The following GPSM1 variants were observed in gnomAD, a reference collection of about 807,000 sequenced individuals.
GPSM1 encodes G protein signaling modulator 1, also known as G protein-signaling modulator 1.
In GPSM1, 48 loss-of-function variants were observed where a neutral mutation model predicts 70.5. The ratio of observed to expected loss-of-function variants is 0.68; its 90% CI spans 0.54 to 0.87. The LOEUF is 0.87. Ranked by LOEUF, GPSM1 falls within the 40% of genes least tolerant of loss-of-function variation. The pLI, the probability that GPSM1 is intolerant of heterozygous loss-of-function variation, is 0.00. For synonymous variants in GPSM1, 416 were observed against 430.1 expected (o/e 0.97, Z 0.41); for missense variants, 981 against 972.6 (o/e 1.01, Z -0.11).
chr9:136,338,323 G>A (rs1282218483), intron 6 of GPSM1, among the ~76,000 whole-genome samples: 12 of 152,242 alleles, frequency 7.9e-5, no homozygotes, highest in African/African-American at 1.2e-4. Context: ...AGGAGTGGTG[G>A]CGGCTCAGGG....
chr9:136,351,554 G>A (rs1463466396), intron 11 of GPSM1, among the ~76,000 whole-genome samples: 4 of 152,208 alleles, frequency 2.6e-5, no homozygotes, highest in Admixed American at 1.3e-4. Flanking sequence ...AGCCTCTGAG[G>A]GCTTCCAGGC....
At position 136,327,753 on chromosome 9, in the gene GPSM1, C is replaced by G. The variant is rs1354961225; in HGVS notation, c.58C>G (p.Leu20Val). 8.4e-6 allele frequency: 10 copies of G among 1,190,340 alleles called. No individual in the cohort carries two copies. Among genetic ancestry groups the G allele is most frequent in the Non-Finnish European group, 1.0e-5 (10 of 960,480 alleles). 73.7% of individuals were successfully genotyped at this position (1,190,340 alleles called of 1,614,324 possible). ...DELPGPAARR[L>V]YSRMEASCLE... The stretch of plus-strand genomic sequence containing the variant: ...GCTCCCGGGCCCGGCCGCCAGGCGC[C>G]TCTACTCCAGGTAGGACGGGCCGGG... The change falls in exon 1 of 14, where the codon CTC (leucine) becomes GTC (valine). Residue 20 changes from leucine to valine, a missense_variant. By Grantham distance (32) the Leu-to-Val change is conservative. Transcript: ENST00000440944.
At chr9:136,337,207 C>T in intron 4 of GPSM1, 135 bp downstream of exon 4, 1 of 1,044,234 alleles carries the variant, frequency 9.6e-7, no homozygotes, top group Non-Finnish European at 1.4e-6. Flanking sequence ...GGTCCGCCCA[C>T]CCCCGCTTTC....
chr9:136,333,279 G>A (rs1268657122), intron 1 of GPSM1, among the ~76,000 whole-genome samples: 20 of 152,218 alleles, frequency 1.3e-4, no homozygotes, highest in Non-Finnish European at 1.2e-4. Context: ...CATCTGCTGG[G>A]TGTGTCCTCC....
In GPSM1 at chr9:136,352,168, AATG is replaced by A. The variant is rs1832685285; in HGVS notation, c.1455+2406_1455+2408del. 3.7e-5 allele frequency among the ~76,000 whole-genome samples: 4 copies of A among 107,682 alleles called. 1 individual carries two copies. Among genetic ancestry groups the A allele is most frequent in the African/African-American group, 1.5e-4 (4 of 26,286 alleles). The allele number at this position is 107,682 out of a possible 152,430, so 70.6% of individuals were successfully genotyped here. A position where few individuals can be genotyped will look rare whatever the true frequency, so the allele number is the denominator to read the frequency against. On this transcript the variant is annotated intron_variant, in intron 11 of 13. Coordinates refer to ENST00000440944, the MANE Select transcript of GPSM1 (RefSeq NM_001145638.3). ...CTGCGCCGTTGCTGTTGGTGACACC[AATG>A]CTGCGCCGTTGCTGTTGGTGACACC...
At chr9:136,346,674 G>A (rs1832530571) in intron 9 of GPSM1, among the ~76,000 whole-genome samples, 1 of 152,212 alleles carries the variant, frequency 6.6e-6, no homozygotes, top group Non-Finnish European at 1.5e-5. Flanking sequence ...GCATGGGCCT[G>A]TAAGGGAGAC....
rs147914623 is a variant in GPSM1, at chr9:136,330,025, C to G, written c.68+2262C>G. ...GGTGGGGACAGGGCCCTGGGTGCTA[C>G]AGTTAATGCTCAGAATTCTGGCCCA... On this transcript the variant is annotated intron_variant, in intron 1 of 13. Transcript: ENST00000440944. Among the ~76,000 whole-genome samples, 585 of 152,070 alleles carry G rather than the reference C, an allele frequency of 3.8e-3. 3 individuals are homozygous for G. Among genetic ancestry groups the G allele is most frequent in the African/African-American group, 0.013 (528 of 41,468 alleles).
intron 6 of GPSM1, 86 bp from the exon 7 acceptor site, chr9:136,338,469 A>T: frequency 1.5e-6 from 2 of 1,315,376 alleles, no homozygotes; most frequent in Non-Finnish European, 2.1e-6. Context: ...GCAGGGGACC[A>T]TCGGGCAGAC....
chr9:136,352,151 T>C (rs71508850), intron 11 of GPSM1, among the ~76,000 whole-genome samples: 40,019 of 75,770 alleles, frequency 0.53, 11,334 homozygotes, highest in East Asian at 0.77. Flanking sequence ...TGCTGCGCCG[T>C]TGCTGTTGGT....
At chr9:136,354,061 G>T (rs868943544) in intron 11 of GPSM1, among the ~76,000 whole-genome samples, 3 of 152,160 alleles carry the variant, frequency 2.0e-5, no homozygotes, top group Non-Finnish European at 2.9e-5. Flanking sequence ...CGGGGAGAAG[G>T]GGGTGCTAGA....
intron 11 of GPSM1, chr9:136,354,655 G>A (rs1554772672): frequency 5.1e-6 from 1 of 196,794 alleles, no homozygotes; most frequent in Admixed American, 6.5e-5. Context: ...GGCCCTGTGA[G>A]GCTGGGTCAC....
intron 7 of GPSM1, among the ~76,000 whole-genome samples, chr9:136,339,478 G>T (rs146787629): frequency 2.0e-5 from 3 of 152,380 alleles, no homozygotes; most frequent in Non-Finnish European, 4.4e-5. Flanking sequence ...CTTTTAATGG[G>T]AAGAAAAAAG....
At chr9:136,333,476 G>A (rs1049405719) in intron 1 of GPSM1, among the ~76,000 whole-genome samples, 13 of 151,926 alleles carry the variant, frequency 8.6e-5, no homozygotes, top group African/African-American at 2.7e-4. Context: ...GGCCCAGGGT[G>A]GGGGTCCCTC....
rs890861287 is a variant in GPSM1 at position 136,343,158 on chromosome 9, T to G, written c.1207+2165T>G. Among the ~76,000 whole-genome samples, 2 of 152,108 alleles carry G rather than the reference T, an allele frequency of 1.3e-5. No individual in the cohort carries two copies. The highest frequency in any genetic ancestry group is 4.8e-5 in the African/African-American group (2 of 41,412). Reference sequence around the variant, plus strand: ...CCAGCCACTGCCCTTGTCCAGCTCCTCTGGGTGTGTGGCCTCTATGAGACC... The same window carrying G: ...CCAGCCACTGCCCTTGTCCAGCTCCGCTGGGTGTGTGGCCTCTATGAGACC... On this transcript the variant is annotated intron_variant, in intron 9 of 13. Transcript: ENST00000440944. The surrounding 1 kb of genome is among the most constrained non-coding windows in gnomAD (Gnocchi z 6.0).
At position 136,343,014 on chromosome 9, in the gene GPSM1, G is replaced by C. The variant is rs531612695; in HGVS notation, c.1207+2021G>C. The stretch of plus-strand genomic sequence containing the variant: ...GATAAACACAAGGAGACTTACGTGC[G>C]GCTGGAGGACAAAGAGCCTTGGCGC... On this transcript the variant is annotated intron_variant, in intron 9 of 13. Coordinates refer to ENST00000440944, the MANE Select transcript of GPSM1 (RefSeq NM_001145638.3). The surrounding 1 kb of genome is among the most constrained non-coding windows in gnomAD (Gnocchi z 6.0). Among the ~76,000 whole-genome samples the C allele has an allele frequency of 6.6e-6, 1 of 152,102 alleles. No individual in the cohort carries two copies. Among genetic ancestry groups the C allele is most frequent in the African/African-American group, 2.4e-5 (1 of 41,408 alleles).
At chr9:136,339,876 G>C in intron 8 of GPSM1, 61 bp downstream of exon 8, 1 of 1,085,428 alleles carries the variant, frequency 9.2e-7, no homozygotes. Context: ...GACGGGCCGG[G>C]TCCCCTCTGC....
In GPSM1 at chr9:136,334,453, G is replaced by A. The variant is rs1554768888; in HGVS notation, c.75G>A (p.Glu25=). The A allele has an allele frequency of 1.9e-6, 3 of 1,611,352 alleles. No homozygotes were observed. The highest frequency in any genetic ancestry group is 2.7e-5 in the African/African-American group (2 of 74,922). Residue 25 remains glutamate (E), a synonymous_variant, in exon 2 of 14, where the codon GAG becomes GAA. Transcript: ENST00000440944. ...PAARRLYSRM[E]ASCLELALEG... is the part of the protein sequence containing the mutation. The stretch of plus-strand genomic sequence containing the variant: ...GCCAAGTTCCTCTGCACAGGATGGA[G>A]GCGTCCTGCCTAGAGCTGGCGCTGG...
intron 7 of GPSM1, 139 bp from the exon 8 acceptor site, chr9:136,339,568 C>A (rs1832334890): frequency 1.6e-6 from 1 of 621,238 alleles, no homozygotes; most frequent in Non-Finnish European, 2.9e-6. Context: ...TGTCATCCGG[C>A]CAATGCCCCT....
intron 1 of GPSM1, among the ~76,000 whole-genome samples, chr9:136,331,571 A>T (rs117016361): frequency 3.0e-3 from 455 of 152,218 alleles, no homozygotes; most frequent in Non-Finnish European, 5.0e-3. Flanking sequence ...GGGCACTCAC[A>T]CACTCTGGAC....
Sources: gnomAD v4.1 joint callset for allele counts (sites outside exome capture counted in the v4.1 genomes callset) on GRCh38, gnomAD v4.1.1 for gene constraint, Gnocchi (gnomAD v3.1) non-coding constraint, MANE v1.5 for transcripts, NCBI Gene and HGNC (gene_info 2026-07-23, HGNC 2026-07-21) for gene names.